The following ANKRD42 variants were observed in gnomAD, a reference collection of about 807,000 sequenced individuals.
The protein encoded by ANKRD42 is ankyrin repeat domain 42.
Under a neutral mutation model 51.5 loss-of-function variants are expected in ANKRD42, and 43 were observed. The ratio of observed to expected loss-of-function variants is 0.83; its 90% CI spans 0.65 to 1.08. The LOEUF (loss-of-function observed/expected upper bound fraction) is 1.08. Ranked by LOEUF, ANKRD42 falls within the 50% of genes least tolerant of loss-of-function variation. The pLI is 0.00. For missense variants in ANKRD42, 608 were observed against 629.3 expected, an observed-to-expected ratio of 0.97 and a Z score of 0.36; for synonymous variants, 203 against 213.0, an observed-to-expected ratio of 0.95 and a Z score of 0.41.
At chr11:83,249,563 G>GA (rs1227409841), downstream of ANKRD42, among the ~76,000 whole-genome samples, 1 of 152,138 alleles carries the variant, frequency 6.6e-6, no homozygotes, top group Non-Finnish European at 1.5e-5. Flanking sequence ...TAGCTATTTA[G>GA]AAATTCTCTT....
downstream of ANKRD42, among the ~76,000 whole-genome samples, chr11:83,256,738 TAA>T (rs2135569292): frequency 6.6e-6 from 1 of 152,324 alleles, no homozygotes; most frequent in Admixed American, 6.5e-5. Context: ...ATGTGGACGC[TAA>T]AGTCATTTTG....
intron 3 of ANKRD42, among the ~76,000 whole-genome samples, chr11:83,208,930 G>A (rs995963304): frequency 6.6e-6 from 1 of 152,186 alleles, no homozygotes; most frequent in Non-Finnish European, 1.5e-5. Flanking sequence ...ACAGGCATGA[G>A]CAACCACTCC....
intron 2 of ANKRD42, among the ~76,000 whole-genome samples, chr11:83,202,988 ATTTTTTTT>A (rs750379636): frequency 8.4e-6 from 1 of 118,988 alleles, no homozygotes; most frequent in African/African-American, 3.2e-5. Context: ...TGTTGGTTGG[ATTTTTTTT>A]TTTTTTTTTT....
At chr11:83,209,831 G>A in intron 3 of ANKRD42, 2 of 531,742 alleles carry the variant, frequency 3.8e-6, no homozygotes, top group Non-Finnish European at 6.8e-6. Context: ...CCAGCCAGAT[G>A]AGTGCTCTGT....
At position 83,224,924 on chromosome 11, in the gene ANKRD42, C is replaced by A; in HGVS notation, c.656C>A (p.Thr219Lys). The A allele has an allele frequency of 2.5e-6, 4 of 1,613,056 alleles. No homozygotes were observed. The highest frequency in any genetic ancestry group is 3.4e-6 in the Non-Finnish European group (4 of 1,179,306). Residue 219 changes from threonine (T) to lysine (K), a missense_variant, in exon 6 of 11, where the codon ACG (threonine) becomes AAG (lysine). Coordinates refer to ENST00000533342, the MANE Select transcript of ANKRD42 (RefSeq NM_001300975.2). Reference protein sequence around the residue: ...KFLVSRMSSATQVLKAFNDNG... With the variant: ...KFLVSRMSSAKQVLKAFNDNG... ...CTAGTCAGTAGAATGAGCAGTGCGA[C>A]GCAAGTTTTAAAAGCTTTCAATGAT...
In ANKRD42 at chr11:83,222,225, A is replaced by G. The variant is rs529983409; in HGVS notation, c.587-2630A>G. ...TATTTGTTTTTGTTTTCTTTGATAG[A>G]GCGTGAAATTAGCTTGCTTCTTCAG... On this transcript the variant is annotated intron_variant, in intron 5 of 10. Transcript: ENST00000533342. Among the ~76,000 whole-genome samples, 137 of 152,230 alleles carry G rather than the reference A, an allele frequency of 9.0e-4. 1 individual carries two copies. The highest frequency in any genetic ancestry group is 7.7e-3 in the South Asian group (37 of 4,822).
At chr11:83,199,329 A>G (rs577405355) in intron 2 of ANKRD42, among the ~76,000 whole-genome samples, 23 of 152,272 alleles carry the variant, frequency 1.5e-4, no homozygotes, top group Non-Finnish European at 2.8e-4. Flanking sequence ...CTGTTATTAC[A>G]TATGATTATA....
At chr11:83,214,547 A>T (rs1383223193) in intron 5 of ANKRD42, 1 of 982,984 alleles carries the variant, frequency 1.0e-6, no homozygotes, top group East Asian at 1.1e-4. Context: ...ATGTGGCCTT[A>T]GGTCTAGACT....
At chr11:83,212,410 A>G (rs993988138) in intron 5 of ANKRD42, among the ~76,000 whole-genome samples, 3 of 152,190 alleles carry the variant, frequency 2.0e-5, no homozygotes, top group Non-Finnish European at 4.4e-5. Flanking sequence ...ACACTACTGC[A>G]TAAATGGAGG....
intron 6 of ANKRD42, 44 bp downstream of exon 6, chr11:83,225,099 A>T (rs766043084): frequency 6.6e-7 from 1 of 1,516,506 alleles, no homozygotes; most frequent in East Asian, 2.3e-5. Context: ...TGTGATGATG[A>T]TGATGATGAT....
chr11:83,213,466 A>G (rs2135508557), intron 5 of ANKRD42: 4 of 1,386,100 alleles, frequency 2.9e-6, no homozygotes, highest in Middle Eastern at 5.5e-4. Flanking sequence ...AAAAACCAAA[A>G]AACAACAACA....
chr11:83,205,836 A>G (rs1198426130), intron 2 of ANKRD42, among the ~76,000 whole-genome samples: 1 of 152,204 alleles, frequency 6.6e-6, no homozygotes, highest in African/African-American at 2.4e-5. Flanking sequence ...CAGACAAGAA[A>G]TATGGTCTCC....
intron 5 of ANKRD42, among the ~76,000 whole-genome samples, chr11:83,218,974 G>C (rs1222662302): frequency 1.3e-5 from 2 of 152,180 alleles, no homozygotes; most frequent in Non-Finnish European, 2.9e-5. Flanking sequence ...GAATACTGTG[G>C]CCAGGCAGTG....
In ANKRD42 at chr11:83,248,575, C is replaced by T. The variant is rs892552785; in HGVS notation, c.*371C>T. 1.0e-6 allele frequency: 1 copy of T among 990,052 alleles called. No individual in the cohort carries two copies. Among genetic ancestry groups the T allele is most frequent in the African/African-American group, 1.7e-5 (1 of 57,420 alleles). 61.3% of individuals were successfully genotyped at this position (990,052 alleles called of 1,614,324 possible). ...TTTTCTTTCCATAGGGAAGTTTCTT[C>T]ATCAATCATCATGGATGAATTAATT... On this transcript the variant is annotated 3_prime_UTR_variant, in exon 11 of 11. Transcript: ENST00000533342.
chr11:83,225,246 A>T lies in ANKRD42; in HGVS notation c.787+191A>T, dbSNP rs145521579. On this transcript the variant is annotated intron_variant, in intron 6 of 10. Coordinates refer to ENST00000533342, the MANE Select transcript of ANKRD42 (RefSeq NM_001300975.2). ...TATCGTTGTCTATACATTCATCTAG[A>T]TTCTTTACTATGAAATATTTTAGAC... 1.7e-4 allele frequency among the ~76,000 whole-genome samples: 26 copies of T among 152,342 alleles called. No individual in the cohort carries two copies. In the East Asian group the frequency reaches 5.0e-3, roughly 29 times the overall value.
chr11:83,239,362 G>A (rs61900282), intron 8 of ANKRD42, among the ~76,000 whole-genome samples: 6,394 of 151,870 alleles, frequency 0.042, 263 homozygotes, highest in African/African-American at 0.1. Context: ...CTTTTTTACC[G>A]GTTGTATCTC....
At chr11:83,235,371 C>T (rs897006742) in intron 7 of ANKRD42, among the ~76,000 whole-genome samples, 4 of 152,152 alleles carry the variant, frequency 2.6e-5, no homozygotes, top group Non-Finnish European at 5.9e-5. Context: ...ACATTTAATA[C>T]TTATTGCAGT....
chr11:83,236,188 T>C (rs935916088), intron 7 of ANKRD42, among the ~76,000 whole-genome samples: 3 of 152,230 alleles, frequency 2.0e-5, no homozygotes, highest in Non-Finnish European at 2.9e-5. Context: ...AAATTATCTG[T>C]GTGGGGCCTG....
intron 7 of ANKRD42, among the ~76,000 whole-genome samples, chr11:83,233,213 G>GTT (rs777086695): frequency 9.7e-5 from 13 of 134,406 alleles, no homozygotes; most frequent in Admixed American, 3.7e-4. Context: ...CGGGTCTGGG[G>GTT]TTTTTTTTTT....
Sources: gnomAD v4.1 joint callset for allele counts (sites outside exome capture counted in the v4.1 genomes callset) on GRCh38, gnomAD v4.1.1 for gene constraint, MANE v1.5 for transcripts, NCBI Gene and HGNC (gene_info 2026-07-23, HGNC 2026-07-21) for gene names.